Variants in FYCO1 observed in about 807,000 individuals in gnomAD.
FYCO1 encodes the protein FYVE and coiled-coil domain-containing protein 1.
Under a neutral mutation model 165.1 loss-of-function variants are expected in FYCO1, and 122 were observed. That is an observed-to-expected ratio of 0.74 (90% CI 0.64 to 0.86). FYCO1 has a LOEUF of 0.86. Among genes scored for constraint, FYCO1 ranks in the 40% least tolerant of loss-of-function variants. The pLI is 0.00. For missense variants in FYCO1, 1,702 were observed against 1,810.3 expected (o/e 0.94, Z 1.09); for synonymous variants, 648 against 742.5 (o/e 0.87, Z 2.07).
chr3:45,946,736 C>T (rs1156909574), intron 14 of FYCO1: 11 of 1,614,102 alleles, frequency 6.8e-6, no homozygotes, highest in Non-Finnish European at 9.3e-6. Flanking sequence ...GCACTCTGCC[C>T]TTCTGGGCCT....
chr3:45,950,107 T>G (rs1189839839), intron 14 of FYCO1, among the ~76,000 whole-genome samples: 2 of 152,066 alleles, frequency 1.3e-5, no homozygotes, highest in African/African-American at 4.8e-5. Flanking sequence ...GTTCCCAATC[T>G]CAGCCCACCC....
At chr3:45,935,945 G>A (rs1234832780) in intron 15 of FYCO1, among the ~76,000 whole-genome samples, 1 of 152,088 alleles carries the variant, frequency 6.6e-6, no homozygotes, top group African/African-American at 2.4e-5. Flanking sequence ...TCGATGATAT[G>A]GGAAAATACT....
chr3:45,940,281 A>C (rs1211517077), intron 14 of FYCO1, among the ~76,000 whole-genome samples: 1 of 152,186 alleles, frequency 6.6e-6, no homozygotes, highest in Non-Finnish European at 1.5e-5. Flanking sequence ...TTGCAGCCAG[A>C]GCCAGAGAAA....
intron 1 of FYCO1, among the ~76,000 whole-genome samples, chr3:45,987,386 C>G (rs1307338649): frequency 6.6e-6 from 1 of 151,788 alleles, no homozygotes; most frequent in Non-Finnish European, 1.5e-5. Flanking sequence ...AAAAAAGGAG[C>G]ATTGGGATGA....
chr3:45,967,828 C>A lies in FYCO1; in HGVS notation c.1506G>T (p.Glu502Asp). 6.2e-7 allele frequency: 1 copy of A among 1,614,092 alleles called. No homozygotes were observed. Among genetic ancestry groups the A allele is most frequent in the Non-Finnish European group, 8.5e-7 (1 of 1,180,026 alleles). ...GAGACCTGACCTCCTGCTCCAGCAG[C>A]TCCTTCTCCTCCTGTTGCTGTTTTT... ...REKKQQQEEKELLEQEVRSLT... is the reference protein window; with the variant it reads ...REKKQQQEEKDLLEQEVRSLT... Residue 502 changes from glutamate (E) to aspartate (D), a missense_variant, in exon 8 of 18, where the codon GAG (glutamate) becomes GAT (aspartate). Transcript: ENST00000296137.
chr3:45,967,920 G>C lies in FYCO1; in HGVS notation c.1414C>G (p.Arg472Gly). The C allele has an allele frequency of 6.2e-6, 10 of 1,614,092 alleles. No homozygotes were observed. Among genetic ancestry groups the C allele is most frequent in the Non-Finnish European group, 8.5e-6 (10 of 1,180,022 alleles). The change falls in exon 8 of 18, where the codon CGG becomes GGG. Residue 472 changes from arginine (R) to glycine (G), a missense_variant. Transcript: ENST00000296137. ...KGQEADQLWRRLQELLAHTSS... is the reference protein window; with the variant it reads ...KGQEADQLWRGLQELLAHTSS... ...GTGTGGGCCAGCAACTCCTGCAGCC[G>C]TCGCCAGAGCTGGTCTGCCTCCTGT...
chr3:45,948,587 CAT>C (rs1162056730), intron 14 of FYCO1, among the ~76,000 whole-genome samples: 2 of 152,316 alleles, frequency 1.3e-5, no homozygotes, highest in Admixed American at 6.5e-5. Context: ...CAGGATGAGG[CAT>C]AGTTTTAAAT....
intron 2 of FYCO1, among the ~76,000 whole-genome samples, chr3:45,983,767 A>G (rs555321711): frequency 6.6e-6 from 1 of 152,330 alleles, no homozygotes; most frequent in Non-Finnish European, 1.5e-5. Flanking sequence ...GTCTTAGCTG[A>G]AAGTAGACTA....
intron 14 of FYCO1, chr3:45,940,820 T>C (rs1267149554): frequency 6.6e-6 from 1 of 152,260 alleles, no homozygotes; most frequent in East Asian, 1.9e-4. Context: ...AGACTTGAGT[T>C]GCTGCAGACC....
chr3:45,979,427 A>G (rs1009938065), intron 4 of FYCO1, among the ~76,000 whole-genome samples: 8 of 152,202 alleles, frequency 5.3e-5, no homozygotes, highest in Non-Finnish European at 1.0e-4. Flanking sequence ...GCAGACTACA[A>G]TGTATGTGAA....
intron 4 of FYCO1, among the ~76,000 whole-genome samples, chr3:45,977,398 TATATATATAA>T (rs1208731274): frequency 6.3e-5 from 4 of 63,460 alleles, no homozygotes; most frequent in African/African-American, 1.8e-4. Flanking sequence ...TATATATATA[TATATATATAA>T]AGGGAACTAT....
intron 14 of FYCO1, among the ~76,000 whole-genome samples, chr3:45,939,890 C>A (rs1704122139): frequency 6.6e-6 from 1 of 152,158 alleles, no homozygotes; most frequent in Admixed American, 6.5e-5. Context: ...TGGCATTAGC[C>A]ACATTTCAAG....
At chr3:45,992,255 G>A (rs1045937774) in intron 1 of FYCO1, among the ~76,000 whole-genome samples, 5 of 152,180 alleles carry the variant, frequency 3.3e-5, no homozygotes, top group African/African-American at 1.2e-4. Flanking sequence ...GGTGCTGGTG[G>A]GCCTGGGTTC....
rs777677905 is a variant in FYCO1, at chr3:45,958,593, T to C, written c.3614A>G (p.Tyr1205Cys). 2.4e-5 allele frequency: 38 copies of C among 1,614,040 alleles called. No homozygotes were observed. Among genetic ancestry groups the C allele is most frequent in the Non-Finnish European group, 3.2e-5 (38 of 1,180,022 alleles). ...CRICGRIFCYYCCNNYVLSKH... is the reference protein window; with the variant it reads ...CRICGRIFCYCCCNNYVLSKH... ...GCTCAGGACGTAGTTGTTGCAGCAG[T>C]AGTAACAGAAGATGCGGCCACATAT... Residue 1205 changes from tyrosine (Y) to cysteine (C), a missense_variant, in exon 13 of 18, where the codon TAC (tyrosine) becomes TGC (cysteine). Physicochemically the swap from Tyr to Cys is radical, Grantham distance 194 (BLOSUM62 -2). Coordinates refer to ENST00000296137, the MANE Select transcript of FYCO1 (RefSeq NM_024513.4).
rs535327465 is a variant in FYCO1, at chr3:45,966,006, C to A, written c.3057+271G>T. Among the ~76,000 whole-genome samples the A allele has an allele frequency of 1.2e-3, 184 of 152,358 alleles. 2 individuals are homozygous for A. Among genetic ancestry groups the A allele is most frequent in the Middle Eastern group, 6.8e-3 (2 of 294 alleles). Reference sequence around the variant, plus strand: ...CAATGTTGGCTACTAGTTTTACAAACTTCTGTGTGGGCTAATCTTGTTTGC... The same window carrying A: ...CAATGTTGGCTACTAGTTTTACAAAATTCTGTGTGGGCTAATCTTGTTTGC... On this transcript the variant is annotated intron_variant, in intron 8 of 17. Coordinates refer to ENST00000296137, the MANE Select transcript of FYCO1 (RefSeq NM_024513.4).
chr3:45,953,403 C>G lies in FYCO1; in HGVS notation c.3944+1846G>C, dbSNP rs534091001. On this transcript the variant is annotated intron_variant, in intron 14 of 17. Transcript: ENST00000296137. ...AGCCAGTGCTTTTTTGTAAACTGCTCTAAAGCCAGACAACACAGACTGAGA... is the reference window on the plus strand; with the variant it reads ...AGCCAGTGCTTTTTTGTAAACTGCTGTAAAGCCAGACAACACAGACTGAGA... 2.6e-5 allele frequency among the ~76,000 whole-genome samples: 4 copies of G among 152,324 alleles called. No individual in the cohort carries two copies. In the South Asian group the frequency reaches 8.3e-4, roughly 32 times the overall value.
At chr3:45,979,059 A>G (rs1706913161) in intron 4 of FYCO1, among the ~76,000 whole-genome samples, 1 of 151,768 alleles carries the variant, frequency 6.6e-6, no homozygotes, top group East Asian at 1.9e-4. Flanking sequence ...ACGGGGTTTC[A>G]CTGTGTTAGC....
At chr3:45,990,853 C>A (rs896676825) in intron 1 of FYCO1, among the ~76,000 whole-genome samples, 1 of 152,168 alleles carries the variant, frequency 6.6e-6, no homozygotes, top group Admixed American at 6.5e-5. Context: ...CTCACTGCAA[C>A]CTCCCCCTCC....
rs182026931 is a variant in FYCO1 at position 45,964,794 on chromosome 3, G to A, written c.3150+239C>T. 3.9e-5 allele frequency among the ~76,000 whole-genome samples: 6 copies of A among 152,288 alleles called. No individual in the cohort carries two copies. In the East Asian group the frequency reaches 1.2e-3, roughly 29 times the overall value. On this transcript the variant is annotated intron_variant, in intron 9 of 17. Coordinates refer to ENST00000296137, the MANE Select transcript of FYCO1 (RefSeq NM_024513.4). The surrounding 1 kb of genome is among the most constrained non-coding windows in gnomAD (Gnocchi z 4.1). ...ACCCATTTCAGAATCACTGGCTGGC[G>A]ATCACCCATAGAGATGGCCAAAGAG...
Sources: allele counts gnomAD v4.1 joint callset (sites outside exome capture counted in the v4.1 genomes callset), GRCh38; gene constraint gnomAD v4.1.1; non-coding constraint Gnocchi (gnomAD v3.1); transcripts MANE v1.5; gene names NCBI Gene and HGNC (gene_info 2026-07-23, HGNC 2026-07-21).